Variants in PCDHA1 observed in about 807,000 individuals in gnomAD.
The protein encoded by PCDHA1 is protocadherin alpha-1.
In PCDHA1, 42 loss-of-function variants were observed where a neutral mutation model predicts 61.3. That is an observed-to-expected ratio of 0.69 (90% confidence interval 0.54 to 0.89). PCDHA1 has a LOEUF of 0.89. Among genes scored for constraint, PCDHA1 ranks in the 40% least tolerant of loss-of-function variants. PCDHA1 has a pLI of 0.00. For synonymous variants in PCDHA1, 610 were observed against 553.8 expected, an observed-to-expected ratio of 1.10 and a Z score of -1.43; for missense variants, 1,256 against 1,235.3, an observed-to-expected ratio of 1.02 and a Z score of -0.25.
At chr5:140,793,354 G>C (rs1761768049) in intron 1 of PCDHA1, among the ~76,000 whole-genome samples, 1 of 152,040 alleles carries the variant, frequency 6.6e-6, no homozygotes, top group Admixed American at 6.5e-5. Flanking sequence ...AGGATTCTCT[G>C]GTTTATTTTT....
At chr5:140,980,448 G>A (rs1333028932) in intron 2 of PCDHA1, among the ~76,000 whole-genome samples, 7 of 152,122 alleles carry the variant, frequency 4.6e-5, no homozygotes, top group African/African-American at 9.7e-5. Flanking sequence ...TGGACAACAC[G>A]GTGAAACCCT....
In PCDHA1 at chr5:140,842,738, C is replaced by T. The variant is rs1470514973; in HGVS notation, c.2394+54054C>T. The T allele has an allele frequency of 6.3e-7, 1 of 1,594,924 alleles. No homozygotes were observed. The highest frequency in any genetic ancestry group is 8.6e-7 in the Non-Finnish European group (1 of 1,165,426). ...GAAGGAGAACAACCCGCCGGGCTGCCACATCTTCACGGTGTCTGCGCGAGA... is the reference window on the plus strand; with the variant it reads ...GAAGGAGAACAACCCGCCGGGCTGCTACATCTTCACGGTGTCTGCGCGAGA... On this transcript the variant is annotated intron_variant, in intron 1 of 3. Coordinates refer to ENST00000504120, the MANE Select transcript of PCDHA1 (RefSeq NM_018900.4).
chr5:140,815,769 A>C (rs990997775), intron 1 of PCDHA1: 3 of 152,144 alleles, frequency 2.0e-5, no homozygotes, highest in Non-Finnish European at 4.4e-5. Flanking sequence ...AGGCAAGTCT[A>C]ATTGTGATCA....
In PCDHA1 at chr5:140,967,658, A is replaced by C. The variant is rs1554229743; in HGVS notation, c.2395-11291A>C. ...TGGTGAGCTCAGGTACTCCTTGAGC[A>C]GCTACACGTCGGACCGGGAGAGGCA... On this transcript the variant is annotated intron_variant, in intron 1 of 3. Coordinates refer to ENST00000504120, the MANE Select transcript of PCDHA1 (RefSeq NM_018900.4). 3 of 1,614,058 alleles carry C rather than the reference A, an allele frequency of 1.9e-6. No individual in the cohort carries two copies. The highest frequency in any genetic ancestry group is 1.7e-5 in the Admixed American group (1 of 60,008).
At chr5:140,797,480 A>G (rs886156436) in intron 1 of PCDHA1, 1 of 1,090,696 alleles carries the variant, frequency 9.2e-7, no homozygotes, top group Non-Finnish European at 1.3e-6. Context: ...GCGATTTTGA[A>G]TATGAATTAG....
At chr5:140,926,190 ACTT>A (rs1468050055) in intron 1 of PCDHA1, among the ~76,000 whole-genome samples, 2 of 151,766 alleles carry the variant, frequency 1.3e-5, no homozygotes, top group South Asian at 2.2e-4. Flanking sequence ...CCCCCGCAGC[ACTT>A]CTTTCGGGGG....
In PCDHA1 at chr5:140,982,542, A is replaced by T; in HGVS notation, c.2521A>T (p.Thr841Ser). 6.2e-7 allele frequency: 1 copy of T among 1,614,210 alleles called. No individual in the cohort carries two copies. Among genetic ancestry groups the T allele is most frequent in the Non-Finnish European group, 8.5e-7 (1 of 1,180,042 alleles). The change falls in exon 3 of 4, where the codon ACA becomes TCA. Residue 841 changes from threonine (T) to serine (S), a missense_variant. Transcript: ENST00000504120. ...AGGAGGGCCTGATCAGCAGTGGCCA[A>T]CAGTATCCAGTGCAACACCAGGTAA... is the stretch of plus-strand genomic sequence containing the variant. The part of the protein sequence containing the change: ...GPGGPDQQWP[T>S]VSSATPEPEA...
chr5:140,802,603 C>T (rs1762964619), intron 1 of PCDHA1: 6 of 1,613,916 alleles, frequency 3.7e-6, no homozygotes, highest in Non-Finnish European at 5.1e-6. Context: ...GAGAACAACC[C>T]GCCGGGCTGC....
chr5:140,838,075 A>AGTGTGTGTGTG (rs781914509), intron 1 of PCDHA1, among the ~76,000 whole-genome samples: 2 of 128,240 alleles, frequency 1.6e-5, no homozygotes, highest in East Asian at 2.3e-4. Context: ...TTATATATAT[A>AGTGTGTGTGTG]TAGTGTGTGT....
rs2150471701 is a variant in PCDHA1, at chr5:140,850,183, C to T, written c.2394+61499C>T. On this transcript the variant is annotated intron_variant, in intron 1 of 3. Transcript: ENST00000504120. ...GTGCTGGACGAGAACGACAATGCGC[C>T]GGCGCTGCTGACACCTCGGATGAGG... The T allele has an allele frequency of 1.9e-6, 3 of 1,593,774 alleles. 1 individual carries two copies. Among genetic ancestry groups the T allele is most frequent in the Non-Finnish European group, 1.7e-6 (2 of 1,167,724 alleles).
chr5:140,941,475 C>T (rs1554214513), intron 1 of PCDHA1, among the ~76,000 whole-genome samples: 1 of 151,578 alleles, frequency 6.6e-6, no homozygotes, highest in Non-Finnish European at 1.5e-5. Context: ...ACCACCACGC[C>T]TGGCTAATTT....
intron 1 of PCDHA1, chr5:140,842,386 A>G (rs1554138984): frequency 1.2e-6 from 2 of 1,611,028 alleles, no homozygotes; most frequent in Non-Finnish European, 1.7e-6. Flanking sequence ...TGACTTCCTT[A>G]TCCTTGCCTG....
chr5:140,948,107 C>T (rs1156492592), intron 1 of PCDHA1, among the ~76,000 whole-genome samples: 3 of 151,432 alleles, frequency 2.0e-5, no homozygotes, highest in Middle Eastern at 3.2e-3. Flanking sequence ...GATTTTTCTT[C>T]GTTTTACTAA....
At position 140,851,093 on chromosome 5, in the gene PCDHA1, T is replaced by C. The variant is rs1043292821; in HGVS notation, c.2394+62409T>C. On this transcript the variant is annotated intron_variant, in intron 1 of 3. Coordinates refer to ENST00000504120, the MANE Select transcript of PCDHA1 (RefSeq NM_018900.4). Reference sequence around the variant, plus strand: ...AATTATAAACTGTATATTAAATAGATATTTTTTGGGTGCTGAATCAATTTT... The same window carrying C: ...AATTATAAACTGTATATTAAATAGACATTTTTTGGGTGCTGAATCAATTTT... 2 of 1,294,092 alleles carry C rather than the reference T, an allele frequency of 1.5e-6. 1 individual carries two copies. The highest frequency in any genetic ancestry group is 2.0e-6 in the Non-Finnish European group (2 of 996,006). The allele number at this position is 1,294,092 out of a possible 1,614,324, so 80.2% of individuals were successfully genotyped here.
intron 1 of PCDHA1, chr5:140,815,973 G>T (rs1466366404): frequency 6.6e-6 from 1 of 152,142 alleles, no homozygotes; most frequent in Non-Finnish European, 1.5e-5. Context: ...TCTTTTGTAC[G>T]TGATGAGGCA....
chr5:140,823,131 G>A (rs142929389), intron 1 of PCDHA1: 5 of 1,614,008 alleles, frequency 3.1e-6, no homozygotes, highest in Middle Eastern at 1.7e-4. Flanking sequence ...ACAACGCTCC[G>A]GCGTTCGCGC....
At chr5:140,797,006 G>C in intron 1 of PCDHA1, 1 of 1,613,706 alleles carries the variant, frequency 6.2e-7, no homozygotes, top group Non-Finnish European at 8.5e-7. Context: ...GCCTCGTCGC[G>C]GGCGTGGGTG....
At position 140,829,190 on chromosome 5, in the gene PCDHA1, A is replaced by G. The variant is rs1364701507; in HGVS notation, c.2394+40506A>G. The G allele has an allele frequency of 4.3e-6, 7 of 1,614,074 alleles. No homozygotes were observed. The Admixed American group carries it at 1.0e-4, about 23-fold the overall frequency. On this transcript the variant is annotated intron_variant, in intron 1 of 3. Coordinates refer to ENST00000504120, the MANE Select transcript of PCDHA1 (RefSeq NM_018900.4). ...TGTACGTGAAGACGCTCAATTTGGT[A>G]CTGTCATCGCCCTAATTAGCGTGAA... is the stretch of plus-strand genomic sequence containing the variant.
chr5:140,853,959 GC>G, intron 1 of PCDHA1: 1 of 736,848 alleles, frequency 1.4e-6, no homozygotes, highest in Non-Finnish European at 1.7e-6. Context: ...CCTTCCTTGA[GC>G]CCAGCAGTTT....
Sources: gnomAD v4.1 joint callset for allele counts (sites outside exome capture counted in the v4.1 genomes callset) on GRCh38, gnomAD v4.1.1 for gene constraint, MANE v1.5 for transcripts, NCBI Gene and HGNC (gene_info 2026-07-23, HGNC 2026-07-21) for gene names.